ZNF385B: variants seen among roughly 807,000 people sequenced by gnomAD.
ZNF385B encodes zinc finger protein 533.
In ZNF385B, 23 loss-of-function variants were observed where a neutral mutation model predicts 39.2. The observed-to-expected ratio is 0.59, with a 90% CI of 0.42 to 0.83. The LOEUF (loss-of-function observed/expected upper bound fraction) is 0.83, where lower values mean the gene tolerates loss of function less well. Ranked by LOEUF, ZNF385B falls within the 40% of genes least tolerant of loss-of-function variation. The pLI, the probability that ZNF385B is intolerant of heterozygous loss-of-function variation, is 0.00. For synonymous variants in ZNF385B, 205 were observed against 222.6 expected, an observed-to-expected ratio of 0.92 and a Z score of 0.70; for missense variants, 552 against 598.9, an observed-to-expected ratio of 0.92 and a Z score of 0.82.
In ZNF385B at chr2:179,446,750, C is replaced by A. The variant is rs898670365; in HGVS notation, c.736G>T (p.Ala246Ser). 5.0e-6 allele frequency: 8 copies of A among 1,612,072 alleles called. No individual in the cohort carries two copies. In the African/African-American group the frequency reaches 5.4e-5, roughly 11 times the overall value. ...DKSEDKGKLKASSSSQPSSSE... is the reference protein window; with the variant it reads ...DKSEDKGKLKSSSSSQPSSSE... ...CTTGATGGCTGACTGGAACTGCTGG[C>A]TTTTAACTTCCCTTTATCTTCTAAG... Residue 246 changes from alanine (A) to serine (S), a missense_variant, in exon 7 of 10, where the codon GCC becomes TCC. Ala to Ser is a moderately conservative substitution (Grantham distance 99). Coordinates refer to ENST00000410066, the MANE Select transcript of ZNF385B (RefSeq NM_152520.6).
At chr2:179,552,034 G>T (rs2060609228) in intron 3 of ZNF385B, among the ~76,000 whole-genome samples, 3 of 147,610 alleles carry the variant, frequency 2.0e-5, no homozygotes, top group South Asian at 4.4e-4. Context: ...ATATGTAAAA[G>T]ACAATTTCCT....
At chr2:179,744,374 C>A (rs1272009629) in intron 3 of ZNF385B, among the ~76,000 whole-genome samples, 2 of 150,920 alleles carry the variant, frequency 1.3e-5, no homozygotes, top group East Asian at 3.9e-4. Context: ...TGACAGTACA[C>A]CGAAATCCTG....
chr2:179,520,367 C>A (rs1314330250), intron 4 of ZNF385B, among the ~76,000 whole-genome samples: 1 of 151,978 alleles, frequency 6.6e-6, no homozygotes, highest in Non-Finnish European at 1.5e-5. Context: ...TCTAACATAT[C>A]ATTACTGGAA....
At chr2:179,551,294 T>C (rs2060549604) in intron 3 of ZNF385B, among the ~76,000 whole-genome samples, 1 of 152,064 alleles carries the variant, frequency 6.6e-6, no homozygotes, top group African/African-American at 2.4e-5. Context: ...AGGAATAATT[T>C]AACACTCTTG....
intron 4 of ZNF385B, among the ~76,000 whole-genome samples, chr2:179,537,296 T>C (rs1329479259): frequency 1.6e-4 from 20 of 122,958 alleles, no homozygotes; most frequent in African/African-American, 6.1e-4. Flanking sequence ...GAGCAAAACC[T>C]CTGTCTCAAA....
chr2:179,842,992 G>C (rs1186190119), intron 1 of ZNF385B, among the ~76,000 whole-genome samples: 1 of 152,150 alleles, frequency 6.6e-6, no homozygotes, highest in Non-Finnish European at 1.5e-5. Context: ...AGCTTCCCTA[G>C]GTGTCACCGC....
chr2:179,538,718 AAAT>A (rs1171142999), intron 4 of ZNF385B, among the ~76,000 whole-genome samples: 1 of 152,214 alleles, frequency 6.6e-6, no homozygotes, highest in Admixed American at 6.5e-5. Context: ...CTCAGGAAAA[AAAT>A]AATTTCAAGG....
rs76473048 is a variant in ZNF385B at position 179,728,869 on chromosome 2, A to T, written c.298+40634T>A. 9.8e-3 allele frequency among the ~76,000 whole-genome samples: 1,485 copies of T among 152,204 alleles called. 12 individuals are homozygous for T. The highest frequency in any genetic ancestry group is 0.015 in the Non-Finnish European group (1,009 of 67,976). On this transcript the variant is annotated intron_variant, in intron 3 of 9. Coordinates refer to ENST00000410066, the MANE Select transcript of ZNF385B (RefSeq NM_152520.6). The stretch of plus-strand genomic sequence containing the variant: ...ATTATGGATTCTTGATAAAAGATTA[A>T]GTCAGGAAACTATTGAAAATTATTA...
rs371634983 is a variant in ZNF385B, at chr2:179,761,860, A to G, written c.298+7643T>C. 2.7e-5 allele frequency among the ~76,000 whole-genome samples: 4 copies of G among 146,974 alleles called. No individual in the cohort carries two copies. In the East Asian group the frequency reaches 8.0e-4, roughly 30 times the overall value. On this transcript the variant is annotated intron_variant, in intron 3 of 9. Coordinates refer to ENST00000410066, the MANE Select transcript of ZNF385B (RefSeq NM_152520.6). Reference sequence around the variant, plus strand: ...AGTGATCCTCTTTTCTCAGTCTCCCAAAGTACTGGGATTACAGGCTTTTAT... The same window carrying G: ...AGTGATCCTCTTTTCTCAGTCTCCCGAAGTACTGGGATTACAGGCTTTTAT...
At position 179,458,286 on chromosome 2, in the gene ZNF385B, T is replaced by C. The variant is rs181485274; in HGVS notation, c.716-11516A>G. Among the ~76,000 whole-genome samples the C allele has an allele frequency of 1.6e-3, 246 of 152,288 alleles. 1 individual carries two copies. Among genetic ancestry groups the C allele is most frequent in the African/African-American group, 5.3e-3 (219 of 41,560 alleles). On this transcript the variant is annotated intron_variant, in intron 6 of 9. Coordinates refer to ENST00000410066, the MANE Select transcript of ZNF385B (RefSeq NM_152520.6). ...TAAGTCTCACGAGATCTGATGGTTATATAAGGGAGAGTTTCCCTGCACAAG... is the reference window on the plus strand; with the variant it reads ...TAAGTCTCACGAGATCTGATGGTTACATAAGGGAGAGTTTCCCTGCACAAG...
At chr2:179,469,963 A>T (rs992936258) in intron 6 of ZNF385B, among the ~76,000 whole-genome samples, 2 of 152,158 alleles carry the variant, frequency 1.3e-5, no homozygotes, top group African/African-American at 2.4e-5. Context: ...AATGGGGGAA[A>T]CTTGATGGCT....
chr2:179,768,784 G>A (rs1241342919), intron 3 of ZNF385B, among the ~76,000 whole-genome samples: 1 of 152,226 alleles, frequency 6.6e-6, no homozygotes, highest in East Asian at 1.9e-4. Context: ...ATGTGGAAGA[G>A]GAGGGGCTGC....
chr2:179,536,844 A>G (rs1277430535), intron 4 of ZNF385B, among the ~76,000 whole-genome samples: 2 of 152,172 alleles, frequency 1.3e-5, no homozygotes, highest in African/African-American at 4.8e-5. Context: ...TGCATTATAC[A>G]AACATACAAT....
intron 3 of ZNF385B, among the ~76,000 whole-genome samples, chr2:179,676,486 A>G (rs1350444955): frequency 6.6e-6 from 1 of 152,152 alleles, no homozygotes; most frequent in Non-Finnish European, 1.5e-5. Context: ...GGCCTCCCAA[A>G]GTGCTGGGAT....
At chr2:179,444,701 A>C (rs1001912638) in intron 9 of ZNF385B, among the ~76,000 whole-genome samples, 175 bp downstream of exon 9, 3 of 152,214 alleles carry the variant, frequency 2.0e-5, no homozygotes, top group African/African-American at 7.2e-5. Context: ...CTGTTTTCTA[A>C]GTAAGTTGCC....
At chr2:179,696,326 C>CTTTTTT (rs71029828) in intron 3 of ZNF385B, among the ~76,000 whole-genome samples, 5,130 of 40,160 alleles carry the variant, frequency 0.13, 2,084 homozygotes, top group Middle Eastern at 0.17. Flanking sequence ...CAAACTGGGA[C>CTTTTTT]TTTTTTTTTT....
chr2:179,846,922 T>C (rs1293629806), intron 1 of ZNF385B, among the ~76,000 whole-genome samples: 1 of 152,250 alleles, frequency 6.6e-6, no homozygotes, highest in Non-Finnish European at 1.5e-5. Context: ...CATTATAGCA[T>C]GTCAGTGCTT....
intron 3 of ZNF385B, among the ~76,000 whole-genome samples, chr2:179,765,372 TC>T (rs35635820): frequency 6.6e-6 from 1 of 152,190 alleles, no homozygotes; most frequent in African/African-American, 2.4e-5. Context: ...GGAGTGACTT[TC>T]CCCAGAGCTG....
At chr2:179,559,906 T>G (rs1328561169) in intron 3 of ZNF385B, among the ~76,000 whole-genome samples, 1 of 152,154 alleles carries the variant, frequency 6.6e-6, no homozygotes, top group Non-Finnish European at 1.5e-5. Flanking sequence ...TTGACAATAT[T>G]GGCCTACATC....
Sources: gnomAD v4.1 joint callset for allele counts (sites outside exome capture counted in the v4.1 genomes callset) on GRCh38, gnomAD v4.1.1 for gene constraint, MANE v1.5 for transcripts, NCBI Gene and HGNC (gene_info 2026-07-23, HGNC 2026-07-21) for gene names.